The following TTLL2 variants were observed in gnomAD, a reference collection of about 807,000 sequenced individuals.
The protein encoded by TTLL2 is probable tubulin polyglutamylase TTLL2.
TTLL2 carries 10 observed loss-of-function variants against 7.5 expected under a neutral mutation model. That is an observed-to-expected ratio of 1.33 (90% CI 0.82 to 2.25). The LOEUF is 2.25. Among genes scored for constraint, TTLL2 ranks in the 30% most tolerant of loss-of-function variants. The pLI, the probability that TTLL2 is intolerant of heterozygous loss-of-function variation, is 0.00. For missense variants in TTLL2, 733 were observed against 735.7 expected, an observed-to-expected ratio of 1.00 and a Z score of 0.04; for synonymous variants, 284 against 280.3, an observed-to-expected ratio of 1.01 and a Z score of -0.13.
intron 1 of TTLL2, among the ~76,000 whole-genome samples, chr6:167,337,625 T>C (rs57169327): frequency 0.021 from 3,232 of 152,306 alleles, 130 homozygotes; most frequent in African/African-American, 0.074. Context: ...GTTTGTGAAA[T>C]GGCGACTGAG....
chr6:167,335,878 G>A (rs370052600), intron 1 of TTLL2, among the ~76,000 whole-genome samples: 4,842 of 147,066 alleles, frequency 0.033, 300 homozygotes, highest in African/African-American at 0.12. Flanking sequence ...GCTAGATGAC[G>A]AGTTAGTGGG....
At chr6:167,340,007 G>T (rs1377327362) in intron 2 of TTLL2, 98 bp from the exon 3 acceptor site, 10 of 1,381,598 alleles carry the variant, frequency 7.2e-6, no homozygotes, top group African/African-American at 1.5e-5. Context: ...TGGACACACA[G>T]GACAGCTGGC....
At chr6:167,330,498 T>C (rs1778907284) in intron 1 of TTLL2, among the ~76,000 whole-genome samples, 1 of 150,306 alleles carries the variant, frequency 6.7e-6, no homozygotes, top group Non-Finnish European at 1.5e-5. Flanking sequence ...GAGGCAGAGG[T>C]TGCAGTGAGC....
intron 1 of TTLL2, among the ~76,000 whole-genome samples, chr6:167,331,970 C>T (rs945795100): frequency 6.6e-6 from 1 of 152,104 alleles, no homozygotes; most frequent in African/African-American, 2.4e-5. Context: ...GTGAATCATT[C>T]GTTGCTCAAC....
chr6:167,329,543 T>C (rs1778894047), intron 1 of TTLL2, among the ~76,000 whole-genome samples: 2 of 152,204 alleles, frequency 1.3e-5, no homozygotes, highest in Admixed American at 6.5e-5. Context: ...TGTTACATAA[T>C]TCATAATTTC....
chr6:167,332,012 T>C (rs530266392), intron 1 of TTLL2, among the ~76,000 whole-genome samples: 2 of 152,086 alleles, frequency 1.3e-5, no homozygotes, highest in East Asian at 3.9e-4. Context: ...TGGCTGAAGT[T>C]TTTTTTTAAC....
chr6:167,338,192 C>T (rs1779015909), intron 1 of TTLL2, among the ~76,000 whole-genome samples: 1 of 151,556 alleles, frequency 6.6e-6, no homozygotes, highest in Non-Finnish European at 1.5e-5. Flanking sequence ...ACAACTCGTG[C>T]ATACCACATG....
At position 167,340,094 on chromosome 6, in the gene TTLL2, T is replaced by C; in HGVS notation, c.205-11T>C. ...CCACTCTCCTAACCTTTCTCAATGATCCATTTTTAGAAAAAACCTCATTTG... is the reference window on the plus strand; with the variant it reads ...CCACTCTCCTAACCTTTCTCAATGACCCATTTTTAGAAAAAACCTCATTTG... On this transcript the variant is annotated splice_polypyrimidine_tract_variant and intron_variant, in intron 2 of 2. Transcript: ENST00000239587. 1.3e-6 allele frequency: 2 copies of C among 1,557,794 alleles called. No homozygotes were observed. The highest frequency in any genetic ancestry group is 1.3e-5 in the South Asian group (1 of 79,596).
Position 167,341,308 on chromosome 6 carries a change from T to C in TTLL2, c.1408T>C (p.Ser470Pro). The C allele has an allele frequency of 6.2e-7, 1 of 1,613,552 alleles. No individual in the cohort carries two copies. The highest frequency in any genetic ancestry group is 8.5e-7 in the Non-Finnish European group (1 of 1,179,936). Residue 470 changes from serine to proline, a missense_variant, in exon 3 of 3, where the codon TCT (serine) becomes CCT (proline). Ser to Pro is a moderately conservative substitution (Grantham distance 74). Coordinates refer to ENST00000239587, the MANE Select transcript of TTLL2 (RefSeq NM_031949.5). ...AAGCAGAATGTACAACGAGGATGACTCTGTGGTGGAGAAAGCTGTGAGTGT... is the reference window on the plus strand; with the variant it reads ...AAGCAGAATGTACAACGAGGATGACCCTGTGGTGGAGAAAGCTGTGAGTGT... ...FTSRMYNEDD[S>P]VVEKAVSVRP...
Position 167,325,234 on chromosome 6 carries a change from G to A in TTLL2, c.47+14G>A. 1 of 1,552,978 alleles carries A rather than the reference G, an allele frequency of 6.4e-7. No homozygotes were observed. The highest frequency in any genetic ancestry group is 1.2e-5 in the South Asian group (1 of 83,890). On this transcript the variant is annotated intron_variant, in intron 1 of 2. Coordinates refer to ENST00000239587, the MANE Select transcript of TTLL2 (RefSeq NM_031949.5). ...CCAGGCGCTGGGGTAAGCGTAGGAG[G>A]CGACACGTAGGATGGGAGGGTGGCC... is the stretch of plus-strand genomic sequence containing the variant.
chr6:167,333,859 G>T (rs1325613902), intron 1 of TTLL2, among the ~76,000 whole-genome samples: 2 of 134,750 alleles, frequency 1.5e-5, no homozygotes, highest in Admixed American at 7.6e-5. Context: ...CTTGCTAGCG[G>T]TCTATCAATT....
Position 167,340,284 on chromosome 6 carries a change from C to T in TTLL2, c.384C>T (p.Ser128=), listed in dbSNP as rs1490244028. 1.4e-5 allele frequency: 22 copies of T among 1,613,958 alleles called. No individual in the cohort carries two copies. The highest frequency in any genetic ancestry group is 1.7e-5 in the Non-Finnish European group (20 of 1,180,008). The change falls in exon 3 of 3, where the codon TCC becomes TCT. Residue 128 remains serine (S), a synonymous_variant. Transcript: ENST00000239587. ...AEDWNLYWRT[S]SFRMTEHNSV... is the part of the protein sequence containing the mutation. ...ACTGGAACCTGTACTGGAGGACATC[C>T]TCTTTCCGAATGACCGAACACAACA...
intron 2 of TTLL2, among the ~76,000 whole-genome samples, chr6:167,339,338 A>T (rs61230252): frequency 0.021 from 3,227 of 152,298 alleles, 129 homozygotes; most frequent in African/African-American, 0.074. Flanking sequence ...TAATGAAACA[A>T]CACACTTCAT....
intron 1 of TTLL2, among the ~76,000 whole-genome samples, chr6:167,336,526 G>T (rs1778985076): frequency 6.6e-6 from 1 of 151,994 alleles, no homozygotes; most frequent in South Asian, 2.1e-4. Context: ...GGGTGGCATT[G>T]CTCATCCCCA....
At chr6:167,338,824 G>C (rs377632733) in intron 2 of TTLL2, 21 bp downstream of exon 2, 1 of 1,025,092 alleles carries the variant, frequency 9.8e-7, no homozygotes, top group African/African-American at 1.8e-5. Flanking sequence ...AAGCCAGGTA[G>C]TTCCTTCCTT....
intron 1 of TTLL2, among the ~76,000 whole-genome samples, chr6:167,329,960 G>A (rs1778898761): frequency 6.6e-6 from 1 of 152,144 alleles, no homozygotes; most frequent in Non-Finnish European, 1.5e-5. Flanking sequence ...ACACCCAGAT[G>A]TGATACACAC....
chr6:167,338,527 A>C, intron 1 of TTLL2, 120 bp from the exon 2 acceptor site: 3 of 1,373,300 alleles, frequency 2.2e-6, no homozygotes, highest in Non-Finnish European at 2.9e-6. Flanking sequence ...CATTACTGCA[A>C]ACTAGGACAA....
chr6:167,331,713 T>C (rs931580536), intron 1 of TTLL2, among the ~76,000 whole-genome samples: 67 of 152,254 alleles, frequency 4.4e-4, no homozygotes, highest in African/African-American at 1.5e-3. Flanking sequence ...CTTAGGAGTA[T>C]GCACCTGTAA....
intron 1 of TTLL2, among the ~76,000 whole-genome samples, chr6:167,329,592 T>C (rs779510166): frequency 6.6e-6 from 1 of 152,214 alleles, no homozygotes; most frequent in Non-Finnish European, 1.5e-5. Context: ...TATATTTGTA[T>C]AGTACATTTG....
Sources: gnomAD v4.1 joint callset for allele counts (sites outside exome capture counted in the v4.1 genomes callset) on GRCh38, gnomAD v4.1.1 for gene constraint, MANE v1.5 for transcripts, NCBI Gene and HGNC (gene_info 2026-07-23, HGNC 2026-07-21) for gene names.